The following COP1 variants were observed in gnomAD, a reference collection of about 807,000 sequenced individuals.
COP1 encodes the protein E3 ubiquitin-protein ligase COP1.
COP1 carries 24 observed loss-of-function variants against 101.3 expected under a neutral mutation model. The ratio of observed to expected loss-of-function variants is 0.24; its 90% CI spans 0.17 to 0.33. The LOEUF is 0.33. Ranked by LOEUF, COP1 falls within the 10% of genes least tolerant of loss-of-function variation. The pLI, the probability that COP1 is intolerant of heterozygous loss-of-function variation, is 1.00. For missense variants in COP1, 663 were observed against 906.2 expected (o/e 0.73, Z 3.45); for synonymous variants, 347 against 341.9 (o/e 1.01, Z -0.17).
intron 8 of COP1, among the ~76,000 whole-genome samples, chr1:176,125,104 ATT>A (rs57143115): frequency 1.3e-4 from 19 of 151,280 alleles, no homozygotes; most frequent in African/African-American, 3.2e-4. Flanking sequence ...TGATTATTCG[ATT>A]TTTTTTTTCC....
chr1:175,993,620 G>A (rs1449485539), intron 15 of COP1, among the ~76,000 whole-genome samples: 3 of 152,318 alleles, frequency 2.0e-5, no homozygotes, highest in South Asian at 4.1e-4. Context: ...GAGCCGATGA[G>A]ATGAACTGGA....
rs1207698812 is a variant in COP1 at position 175,986,832 on chromosome 1, T to C, written c.2133+111A>G. Reference sequence around the variant, plus strand: ...TTTGGTGACACATTACAAAGTTTTTTAAAAAGTACATACCACATACCAATT... The same window carrying C: ...TTTGGTGACACATTACAAAGTTTTTCAAAAAGTACATACCACATACCAATT... On this transcript the variant is annotated intron_variant, in intron 18 of 19. Transcript: ENST00000367669. The C allele has an allele frequency of 1.4e-5, 12 of 832,860 alleles. No individual in the cohort carries two copies. The Admixed American group carries it at 3.6e-4, about 25-fold the overall frequency. The allele number at this position is 832,860 out of a possible 1,614,324, so 51.6% of individuals were successfully genotyped here.
chr1:176,169,987 A>T (rs527609751), intron 3 of COP1, among the ~76,000 whole-genome samples: 36 of 152,370 alleles, frequency 2.4e-4, no homozygotes, highest in African/African-American at 8.4e-4. Context: ...CTTCACTAGG[A>T]GTAGATTTCA....
At chr1:176,165,337 T>TGA (rs139490334) in intron 3 of COP1, among the ~76,000 whole-genome samples, 39 of 145,066 alleles carry the variant, frequency 2.7e-4, no homozygotes, top group African/African-American at 3.8e-4. Flanking sequence ...AAAATTCAGG[T>TGA]GAGAGAGAGA....
rs545376474 is a variant in COP1 at position 176,131,153 on chromosome 1, C to T, written c.968+3857G>A. ...ACAATAGGCTGGGGCTAGGCAATTACGGAGGGTTATGCAAAGAGATGGATC... is the reference window on the plus strand; with the variant it reads ...ACAATAGGCTGGGGCTAGGCAATTATGGAGGGTTATGCAAAGAGATGGATC... On this transcript the variant is annotated intron_variant, in intron 8 of 19. Transcript: ENST00000367669. Among the ~76,000 whole-genome samples, 7 of 151,798 alleles carry T rather than the reference C, an allele frequency of 4.6e-5. 1 individual carries two copies. The highest frequency in any genetic ancestry group is 2.1e-4 in the South Asian group (1 of 4,818).
chr1:176,152,124 C>A (rs868397538), intron 5 of COP1, among the ~76,000 whole-genome samples: 2 of 152,080 alleles, frequency 1.3e-5, no homozygotes, highest in Admixed American at 6.6e-5. Flanking sequence ...CACCCCATCT[C>A]TACAAAAAAT....
At chr1:175,947,287 G>A (rs757720317) in intron 18 of COP1, 48 bp from the exon 19 acceptor site, 2 of 1,275,684 alleles carry the variant, frequency 1.6e-6, no homozygotes, top group East Asian at 2.3e-5. Flanking sequence ...ATTTCCTGGA[G>A]AGCAATCCAA....
intron 15 of COP1, among the ~76,000 whole-genome samples, chr1:176,003,197 T>C (rs1435159993): frequency 2.6e-5 from 4 of 151,832 alleles, no homozygotes; most frequent in Admixed American, 2.0e-4. Context: ...CACTTTTTGA[T>C]GGGGTTGTTT....
chr1:175,991,255 C>T (rs1041945074), intron 15 of COP1, among the ~76,000 whole-genome samples: 1 of 152,084 alleles, frequency 6.6e-6, no homozygotes, highest in Non-Finnish European at 1.5e-5. Flanking sequence ...TGTGGAATAG[C>T]CTATTGTGCT....
intron 8 of COP1, among the ~76,000 whole-genome samples, chr1:176,130,195 T>A (rs1688664867): frequency 6.6e-6 from 1 of 151,758 alleles, no homozygotes; most frequent in Admixed American, 6.6e-5. Flanking sequence ...ATGTTTTGCT[T>A]TATTATTTAA....
chr1:176,072,666 T>C (rs1297374249), intron 11 of COP1, among the ~76,000 whole-genome samples: 1 of 152,164 alleles, frequency 6.6e-6, no homozygotes, highest in Non-Finnish European at 1.5e-5. Context: ...AATTTAAAGC[T>C]CACAAGCACT....
intron 18 of COP1, among the ~76,000 whole-genome samples, chr1:175,977,586 T>C (rs7543769): frequency 0.86 from 131,309 of 152,110 alleles, 58,757 homozygotes; most frequent in Non-Finnish European, 0.98. Context: ...AAGGTACAAA[T>C]CATATAAAGA....
At chr1:176,087,161 G>C (rs1572150663) in intron 9 of COP1, among the ~76,000 whole-genome samples, 1 of 152,156 alleles carries the variant, frequency 6.6e-6, no homozygotes, top group South Asian at 2.1e-4. Flanking sequence ...AAACCTAGAA[G>C]AAAACCTAGG....
chr1:176,156,836 T>C (rs886655366), intron 5 of COP1, among the ~76,000 whole-genome samples: 6 of 151,870 alleles, frequency 4.0e-5, no homozygotes, highest in Non-Finnish European at 8.8e-5. Flanking sequence ...AAAACAAAAG[T>C]AGACAATTAT....
chr1:176,155,636 T>C (rs947824408), intron 5 of COP1, among the ~76,000 whole-genome samples: 6 of 151,500 alleles, frequency 4.0e-5, no homozygotes, highest in African/African-American at 1.5e-4. Flanking sequence ...AAAAACAAAA[T>C]AAAATAAAGA....
intron 3 of COP1, among the ~76,000 whole-genome samples, chr1:176,167,191 C>T (rs1343707455): frequency 1.3e-5 from 2 of 152,052 alleles, no homozygotes; most frequent in African/African-American, 4.8e-5. Flanking sequence ...AGTGGGAAAA[C>T]CCTTTCAAAA....
intron 18 of COP1, among the ~76,000 whole-genome samples, chr1:175,975,327 T>C (rs1218295042): frequency 6.6e-6 from 1 of 152,150 alleles, no homozygotes; most frequent in Non-Finnish European, 1.5e-5. Context: ...TTGGAGTTAA[T>C]ATGGCATTTA....
chr1:176,202,966 AG>A (rs1700425171), intron 1 of COP1, among the ~76,000 whole-genome samples: 2 of 152,148 alleles, frequency 1.3e-5, no homozygotes, highest in South Asian at 4.1e-4. Flanking sequence ...AACACAAAAT[AG>A]GCAGTCACAT....
At chr1:176,166,825 T>G (rs959545279) in intron 3 of COP1, among the ~76,000 whole-genome samples, 1 of 152,118 alleles carries the variant, frequency 6.6e-6, no homozygotes, top group African/African-American at 2.4e-5. Flanking sequence ...AATTCCCCGC[T>G]ACTCAGGAGG....
Sources: allele counts gnomAD v4.1 joint callset (sites outside exome capture counted in the v4.1 genomes callset), GRCh38; gene constraint gnomAD v4.1.1; transcripts MANE v1.5; gene names NCBI Gene and HGNC (gene_info 2026-07-23, HGNC 2026-07-21).